ZZZ3: variants seen among roughly 807,000 people sequenced by gnomAD.
ZZZ3 encodes zinc finger ZZ-type containing 3.
A neutral mutation model predicts 95.2 loss-of-function variants in ZZZ3; 22 were observed. That is an observed-to-expected ratio of 0.23 (90% CI 0.17 to 0.33). ZZZ3 has a LOEUF of 0.33. Ranked by LOEUF, ZZZ3 falls within the 10% of genes least tolerant of loss-of-function variation. ZZZ3 has a pLI of 1.00. For synonymous variants in ZZZ3, 335 were observed against 358.9 expected, an observed-to-expected ratio of 0.93 and a Z score of 0.75; for missense variants, 885 against 1,066.5, an observed-to-expected ratio of 0.83 and a Z score of 2.37.
Position 77,632,080 on chromosome 1 carries a change from T to C in ZZZ3, c.1275A>G (p.Gln425=), listed in dbSNP as rs575973677. Residue 425 remains glutamine (Q), a synonymous_variant, in exon 5 of 15, where the codon CAA becomes CAG. Transcript: ENST00000370801. The part of the protein sequence containing the change: ...TNATVSDNVS[Q]SPTNPGEISQ... The stretch of plus-strand genomic sequence containing the variant: ...AAATTTCACCAGGATTTGTAGGAGA[T>C]TGACTTACATTATCACTAACAGTTG... 9 of 1,614,112 alleles carry C rather than the reference T, an allele frequency of 5.6e-6. No homozygotes were observed. The highest frequency in any genetic ancestry group is 3.3e-5 in the Admixed American group (2 of 60,018).
chr1:77,575,842 G>C (rs1661876004), intron 12 of ZZZ3, among the ~76,000 whole-genome samples: 1 of 152,172 alleles, frequency 6.6e-6, no homozygotes, highest in African/African-American at 2.4e-5. Context: ...GTAGGGAGTA[G>C]AGATTAAAAT....
chr1:77,636,974 A>G (rs971224708), intron 4 of ZZZ3, among the ~76,000 whole-genome samples: 2 of 152,180 alleles, frequency 1.3e-5, no homozygotes, highest in Admixed American at 1.3e-4. Flanking sequence ...TTGTTTTATA[A>G]CAAGGATCCT....
At chr1:77,637,545 C>T (rs1483695475) in intron 4 of ZZZ3, among the ~76,000 whole-genome samples, 1 of 152,062 alleles carries the variant, frequency 6.6e-6, no homozygotes, top group Non-Finnish European at 1.5e-5. Flanking sequence ...TAGCCAGGTG[C>T]AGGGGCAGGG....
chr1:77,653,079 C>G (rs1234954922), intron 1 of ZZZ3, among the ~76,000 whole-genome samples: 1 of 152,052 alleles, frequency 6.6e-6, no homozygotes, highest in African/African-American at 2.4e-5. Flanking sequence ...TCCAGCTACT[C>G]AGAAGATTGA....
At chr1:77,650,449 T>TA (rs1443598155) in intron 1 of ZZZ3, among the ~76,000 whole-genome samples, 7 of 152,024 alleles carry the variant, frequency 4.6e-5, no homozygotes, top group Non-Finnish European at 7.4e-5. Flanking sequence ...AAATCAGTGA[T>TA]AAAAAATACA....
At chr1:77,649,009 C>G (rs184972352) in intron 1 of ZZZ3, among the ~76,000 whole-genome samples, 1 of 152,028 alleles carries the variant, frequency 6.6e-6, no homozygotes, top group South Asian at 2.1e-4. Flanking sequence ...TGCCTGTGGT[C>G]CCAGCTACTT....
chr1:77,651,893 T>C (rs969421677), intron 1 of ZZZ3, among the ~76,000 whole-genome samples: 1 of 151,950 alleles, frequency 6.6e-6, no homozygotes, highest in African/African-American at 2.4e-5. Context: ...GGCGTGCATC[T>C]GTAGTCCCAG....
intron 8 of ZZZ3, 120 bp downstream of exon 8, chr1:77,581,656 C>G: frequency 2.6e-6 from 2 of 760,400 alleles, no homozygotes; most frequent in Non-Finnish European, 4.1e-6. Context: ...TTTCAAAGTT[C>G]TTATCTCCTT....
At chr1:77,648,264 G>C (rs1022060819) in intron 1 of ZZZ3, among the ~76,000 whole-genome samples, 1 of 150,082 alleles carries the variant, frequency 6.7e-6, no homozygotes. Flanking sequence ...TGGGAGTTTT[G>C]CTTGAACCCA....
At chr1:77,583,206 T>C (rs1477618041) in intron 6 of ZZZ3, among the ~76,000 whole-genome samples, 1 of 152,108 alleles carries the variant, frequency 6.6e-6, no homozygotes, top group Admixed American at 6.6e-5. Flanking sequence ...CTAGTAAATA[T>C]GCCTAATTGC....
intron 5 of ZZZ3, among the ~76,000 whole-genome samples, chr1:77,616,937 T>C (rs1666375983): frequency 6.6e-6 from 1 of 152,106 alleles, no homozygotes; most frequent in Non-Finnish European, 1.5e-5. Context: ...ATATGTACAC[T>C]TACTTATAAA....
chr1:77,655,710 G>C (rs973128539), intron 1 of ZZZ3, among the ~76,000 whole-genome samples: 1 of 152,218 alleles, frequency 6.6e-6, no homozygotes, highest in Non-Finnish European at 1.5e-5. Flanking sequence ...TAGAGCAACA[G>C]AAGCAGAGCA....
intron 5 of ZZZ3, among the ~76,000 whole-genome samples, chr1:77,613,925 C>T (rs138598660): frequency 1.5e-4 from 23 of 152,102 alleles, no homozygotes; most frequent in African/African-American, 5.5e-4. Flanking sequence ...AACTTAATAA[C>T]AAATACAAAA....
chr1:77,683,140 C>G (rs1231760130), upstream of ZZZ3: 2 of 143,922 alleles, frequency 1.4e-5, no homozygotes, highest in African/African-American at 5.2e-5. Flanking sequence ...CAGCCCACCC[C>G]CTCCCGGTAC....
At position 77,579,576 on chromosome 1, in the gene ZZZ3, C is replaced by A. The variant is rs1462759052; in HGVS notation, c.2033G>T (p.Arg678Leu). ...IKYPPEEVES[R>L]RWQKIADELG... ...TTCATCTGCTATCTTCTGCCAGCGT[C>A]GAGATTCTACTTCTTCAGGAGGGTA... Residue 678 changes from arginine to leucine, a missense_variant, in exon 10 of 15, where the codon CGA becomes CTA. Coordinates refer to ENST00000370801, the MANE Select transcript of ZZZ3 (RefSeq NM_015534.6). 6.3e-7 allele frequency: 1 copy of A among 1,587,122 alleles called. No homozygotes were observed. Among genetic ancestry groups the A allele is most frequent in the Admixed American group, 1.8e-5 (1 of 55,114 alleles).
At chr1:77,570,699 A>T (rs1375008884) in intron 12 of ZZZ3, among the ~76,000 whole-genome samples, 1 of 149,548 alleles carries the variant, frequency 6.7e-6, no homozygotes, top group East Asian at 2.0e-4. Context: ...AGAGGGTTTC[A>T]CTCTGTCACC....
At chr1:77,669,337 G>A (rs550422487) in intron 1 of ZZZ3, among the ~76,000 whole-genome samples, 13 of 151,818 alleles carry the variant, frequency 8.6e-5, no homozygotes, top group Non-Finnish European at 1.9e-4. Context: ...GTGAATGAAA[G>A]AACATTTCCT....
intron 3 of ZZZ3, chr1:77,641,025 A>C (rs1250864270): frequency 1.3e-5 from 2 of 152,280 alleles, no homozygotes; most frequent in Admixed American, 6.5e-5. Context: ...ACATGGGGAG[A>C]AGCTCAGCGA....
chr1:77,617,728 C>G (rs1666447838), intron 5 of ZZZ3, among the ~76,000 whole-genome samples: 1 of 148,848 alleles, frequency 6.7e-6, no homozygotes, highest in African/African-American at 2.5e-5. Flanking sequence ...CATTTGAGGT[C>G]AGGCATTGGA....
Sources: gnomAD v4.1 joint callset for allele counts (sites outside exome capture counted in the v4.1 genomes callset) on GRCh38, gnomAD v4.1.1 for gene constraint, MANE v1.5 for transcripts, NCBI Gene and HGNC (gene_info 2026-07-23, HGNC 2026-07-21) for gene names.